The following ADGRL2 variants were observed in gnomAD, a reference collection of about 807,000 sequenced individuals.
The protein encoded by ADGRL2 is calcium-independent alpha-latrotoxin receptor 2.
In ADGRL2, 44 loss-of-function variants were observed where a neutral mutation model predicts 157.4. That is an observed-to-expected ratio of 0.28 (90% CI 0.22 to 0.36). The LOEUF is 0.36. ADGRL2 is among the 10% of genes least tolerant of loss of function. The probability of loss-of-function intolerance (pLI) is 1.00; values close to 1 mark genes in which losing one functional copy is unlikely to be tolerated. For missense variants in ADGRL2, 1,510 were observed against 1,768.9 expected (o/e 0.85, Z 2.63); for synonymous variants, 585 against 624.7 (o/e 0.94, Z 0.95).
intron 1 of ADGRL2, chr1:81,426,361 G>C (rs58773507): frequency 0.017 from 4,850 of 281,770 alleles, 217 homozygotes; most frequent in African/African-American, 0.1. Flanking sequence ...AAGTTAGAGA[G>C]GTCCTTCTTG....
intron 1 of ADGRL2, among the ~76,000 whole-genome samples, chr1:81,316,142 A>AT (rs1291311470): frequency 7.5e-6 from 1 of 134,070 alleles, no homozygotes; most frequent in Non-Finnish European, 1.6e-5. Flanking sequence ...AAAAAAAAAA[A>AT]GAAAAAAGAA....
chr1:81,786,741 T>C (rs953295591), intron 2 of ADGRL2, among the ~76,000 whole-genome samples: 1 of 152,246 alleles, frequency 6.6e-6, no homozygotes, highest in Admixed American at 6.5e-5. Context: ...TAGTGAAGGC[T>C]TAGCTTGTTT....
chr1:81,841,270 A>G (rs1161331405), intron 2 of ADGRL2, among the ~76,000 whole-genome samples: 1 of 152,166 alleles, frequency 6.6e-6, no homozygotes, highest in Non-Finnish European at 1.5e-5. Flanking sequence ...TATTTATTTT[A>G]TATAAATCAA....
chr1:81,931,862 G>A lies in ADGRL2; in HGVS notation c.288-4866G>A, dbSNP rs138476462. Reference sequence around the variant, plus strand: ...TTACCCAAGCTGGTCTTGAACTCCTGGGCTCAAGAGATCCTCCTCCCTTTG... The same window carrying A: ...TTACCCAAGCTGGTCTTGAACTCCTAGGCTCAAGAGATCCTCCTCCCTTTG... On this transcript the variant is annotated intron_variant, in intron 3 of 23. Transcript: ENST00000686636. Among the ~76,000 whole-genome samples the A allele has an allele frequency of 6.3e-3, 954 of 152,060 alleles. 10 individuals are homozygous for A. Among genetic ancestry groups the A allele is most frequent in the African/African-American group, 0.022 (901 of 41,486 alleles).
intron 3 of ADGRL2, among the ~76,000 whole-genome samples, chr1:81,662,536 G>A (rs1146700): frequency 0.34 from 50,409 of 150,412 alleles, 8,982 homozygotes; most frequent in African/African-American, 0.45. Flanking sequence ...GAGCCATGAC[G>A]CCCAGCTTCG....
At chr1:81,636,896 C>T (rs569607406) in intron 3 of ADGRL2, among the ~76,000 whole-genome samples, 1 of 152,234 alleles carries the variant, frequency 6.6e-6, no homozygotes, top group East Asian at 1.9e-4. Context: ...AGTGCAGTGG[C>T]GCGATCTTAG....
chr1:81,628,152 A>T (rs2081946538), intron 3 of ADGRL2, among the ~76,000 whole-genome samples: 1 of 152,212 alleles, frequency 6.6e-6, no homozygotes, highest in Non-Finnish European at 1.5e-5. Context: ...TCTAAGCTTG[A>T]TGAGAAAGGT....
At chr1:81,390,758 TC>T (rs1367203432) in intron 1 of ADGRL2, among the ~76,000 whole-genome samples, 2 of 152,306 alleles carry the variant, frequency 1.3e-5, no homozygotes, top group African/African-American at 4.8e-5. Context: ...TCTACCATCT[TC>T]TTTTTTGGTA....
At chr1:81,968,267 G>A in intron 14 of ADGRL2, 68 bp downstream of exon 14, 1 of 1,348,408 alleles carries the variant, frequency 7.4e-7, no homozygotes, top group Non-Finnish European at 1.0e-6. Flanking sequence ...TTGTATAATA[G>A]TCCCATTCTT....
chr1:81,786,190 G>A (rs778936561), intron 2 of ADGRL2, among the ~76,000 whole-genome samples: 1 of 152,086 alleles, frequency 6.6e-6, no homozygotes, highest in Non-Finnish European at 1.5e-5. Context: ...TGTATATGAA[G>A]ATAGAAAATA....
chr1:81,561,441 G>GTT (rs201566525), intron 2 of ADGRL2, among the ~76,000 whole-genome samples: 9 of 136,182 alleles, frequency 6.6e-5, no homozygotes, highest in African/African-American at 2.2e-4. Flanking sequence ...GTTTTGTTCT[G>GTT]TTTTTTTTTG....
intron 3 of ADGRL2, among the ~76,000 whole-genome samples, chr1:81,660,206 T>G (rs1164895493): frequency 6.6e-6 from 1 of 152,216 alleles, no homozygotes; most frequent in Non-Finnish European, 1.5e-5. Context: ...ATGACAAAAG[T>G]ACACTTCTTA....
At chr1:81,704,271 C>T (rs12128033) in intron 1 of ADGRL2, among the ~76,000 whole-genome samples, 2 of 152,166 alleles carry the variant, frequency 1.3e-5, no homozygotes, top group Non-Finnish European at 1.5e-5. Flanking sequence ...CTGCTTAATG[C>T]GTCTGGAATT....
intron 2 of ADGRL2, among the ~76,000 whole-genome samples, chr1:81,882,646 G>A (rs150768084): frequency 1.2e-4 from 19 of 152,186 alleles, no homozygotes; most frequent in Non-Finnish European, 1.6e-4. Flanking sequence ...ACCAGTTCTG[G>A]TAGATAATTA....
chr1:81,306,589 T>A (rs764516257), intron 1 of ADGRL2: 4 of 152,188 alleles, frequency 2.6e-5, no homozygotes, highest in Non-Finnish European at 5.9e-5. Flanking sequence ...GAATGCTTTA[T>A]ATTGTTGCTG....
chr1:81,669,524 G>A (rs1444855843), intron 3 of ADGRL2, among the ~76,000 whole-genome samples: 1 of 152,074 alleles, frequency 6.6e-6, no homozygotes, highest in Non-Finnish European at 1.5e-5. Context: ...GACAGATATG[G>A]TCCTTGTCCT....
chr1:81,515,341 GC>G (rs1212063288), intron 2 of ADGRL2: 7 of 151,652 alleles, frequency 4.6e-5, no homozygotes, highest in African/African-American at 1.7e-4. Flanking sequence ...TTTGTTCAAG[GC>G]TAATAATGTG....
intron 3 of ADGRL2, among the ~76,000 whole-genome samples, chr1:81,910,227 A>G (rs181764405): frequency 4.5e-4 from 66 of 147,150 alleles, no homozygotes; most frequent in African/African-American, 1.6e-3. Context: ...CAACGGAGTG[A>G]GACTCTGCCT....
At chr1:81,979,464 A>T (rs1186514029) in intron 17 of ADGRL2, among the ~76,000 whole-genome samples, 1 of 151,756 alleles carries the variant, frequency 6.6e-6, no homozygotes, top group Non-Finnish European at 1.5e-5. Flanking sequence ...CAAGAGCTAG[A>T]CTCACAGCCA....
Sources: allele counts gnomAD v4.1 joint callset (sites outside exome capture counted in the v4.1 genomes callset), GRCh38; gene constraint gnomAD v4.1.1; transcripts MANE v1.5; gene names NCBI Gene and HGNC (gene_info 2026-07-23, HGNC 2026-07-21).